The following OTUD7A variants were observed in gnomAD, a reference collection of about 807,000 sequenced individuals.
OTUD7A encodes OTU domain-containing protein 7A.
A neutral mutation model predicts 65.7 loss-of-function variants in OTUD7A; 12 were observed. That is an observed-to-expected ratio of 0.18 (90% CI 0.12 to 0.30). OTUD7A has a LOEUF of 0.30. Ranked by LOEUF, OTUD7A falls within the 10% of genes least tolerant of loss-of-function variation. OTUD7A has a pLI of 1.00. For missense variants in OTUD7A, 1,148 were observed against 1,304.8 expected (o/e 0.88, Z 1.85); for synonymous variants, 641 against 586.3 (o/e 1.09, Z -1.35).
chr15:31,646,798 C>T (rs6416461), intron 3 of OTUD7A, among the ~76,000 whole-genome samples: 44,623 of 151,974 alleles, frequency 0.29, 7,891 homozygotes, highest in African/African-American at 0.49. Context: ...GCACAGACTT[C>T]TGAGTAAAAC....
intron 1 of OTUD7A, among the ~76,000 whole-genome samples, chr15:31,802,227 G>T (rs1311921344): frequency 6.6e-6 from 1 of 151,856 alleles, no homozygotes; most frequent in Non-Finnish European, 1.5e-5. Context: ...CAGGCTGTGG[G>T]GCAAGGAGAG....
intron 5 of OTUD7A, among the ~76,000 whole-genome samples, chr15:31,550,104 A>T (rs1024072102): frequency 7.5e-4 from 20 of 26,536 alleles, no homozygotes; most frequent in South Asian, 1.9e-3. Flanking sequence ...TGTCTCCAGG[A>T]AAAAAAAAAA....
At chr15:31,780,177 G>A (rs1384752804) in intron 1 of OTUD7A, among the ~76,000 whole-genome samples, 1 of 152,074 alleles carries the variant, frequency 6.6e-6, no homozygotes, top group African/African-American at 2.4e-5. Context: ...AAATAAAGCA[G>A]CCATGCATCA....
chr15:31,753,709 TATATATATATATTATA>T (rs1894719069), intron 1 of OTUD7A, among the ~76,000 whole-genome samples: 1 of 112,526 alleles, frequency 8.9e-6, no homozygotes, highest in Non-Finnish European at 1.7e-5. Flanking sequence ...ATATTATATA[TATATATATATATTATA>T]TATATATATA....
chr15:31,561,477 C>G (rs1187302566), intron 4 of OTUD7A, among the ~76,000 whole-genome samples: 3 of 152,136 alleles, frequency 2.0e-5, no homozygotes, highest in Admixed American at 6.5e-5. Flanking sequence ...AATCTCAAGG[C>G]TGCTCTCAAC....
chr15:31,512,396 A>G (rs995773825), intron 8 of OTUD7A, among the ~76,000 whole-genome samples: 1 of 152,218 alleles, frequency 6.6e-6, no homozygotes, highest in Non-Finnish European at 1.5e-5. Context: ...AAATTGTTTG[A>G]AATGTTTGTT....
intron 1 of OTUD7A, among the ~76,000 whole-genome samples, chr15:31,826,929 C>T (rs921666245): frequency 4.6e-5 from 7 of 152,166 alleles, no homozygotes; most frequent in African/African-American, 1.7e-4. Context: ...TCTGAGACAA[C>T]CTCAGCCTGG....
intron 3 of OTUD7A, among the ~76,000 whole-genome samples, chr15:31,587,206 A>C (rs1889569244): frequency 6.6e-6 from 1 of 152,110 alleles, no homozygotes; most frequent in East Asian, 1.9e-4. Flanking sequence ...CATAATCAAA[A>C]TCTCTACCAT....
At chr15:31,545,686 A>C (rs1168361904) in intron 5 of OTUD7A, among the ~76,000 whole-genome samples, 3 of 152,170 alleles carry the variant, frequency 2.0e-5, no homozygotes, top group Non-Finnish European at 4.4e-5. Context: ...AAAAATTAAA[A>C]CCACTGTGTG....
chr15:31,836,039 T>C (rs1156923537), intron 1 of OTUD7A, among the ~76,000 whole-genome samples: 2 of 152,014 alleles, frequency 1.3e-5, no homozygotes, highest in African/African-American at 4.8e-5. Context: ...AGATTTCAGA[T>C]CTTTGGATTA....
Position 31,500,494 on chromosome 15 carries a change from C to T in OTUD7A, c.1171+1196G>A, listed in dbSNP as rs138591173. 2.6e-3 allele frequency among the ~76,000 whole-genome samples: 400 copies of T among 152,360 alleles called. 3 individuals carry two copies. Among genetic ancestry groups the T allele is most frequent in the African/African-American group, 9.0e-3 (376 of 41,578 alleles). Reference sequence around the variant, plus strand: ...TCTCAAATGCCCTGTGCATTTCTCACCTTCAGCTTCTGCTCCACAGCCCCA... The same window carrying T: ...TCTCAAATGCCCTGTGCATTTCTCATCTTCAGCTTCTGCTCCACAGCCCCA... On this transcript the variant is annotated intron_variant, in intron 10 of 12. Coordinates refer to ENST00000307050, the MANE Select transcript of OTUD7A (RefSeq NM_001382637.1).
chr15:31,718,061 T>C (rs896597796), intron 1 of OTUD7A, among the ~76,000 whole-genome samples: 2 of 152,168 alleles, frequency 1.3e-5, no homozygotes, highest in Non-Finnish European at 2.9e-5. Context: ...GACTCTGTTG[T>C]GTATTGCTGG....
chr15:31,689,416 G>A (rs963588594), intron 1 of OTUD7A: 4 of 149,218 alleles, frequency 2.7e-5, no homozygotes, highest in South Asian at 4.4e-4. Context: ...CCAACACTGC[G>A]CCGTCCCTGC....
At chr15:31,850,840 T>C (rs983765510) in intron 1 of OTUD7A, among the ~76,000 whole-genome samples, 4 of 152,128 alleles carry the variant, frequency 2.6e-5, no homozygotes, top group Admixed American at 2.0e-4. Flanking sequence ...TACAACCTCA[T>C]TGGCCAGGCA....
intron 5 of OTUD7A, among the ~76,000 whole-genome samples, chr15:31,535,488 C>T (rs1887765171): frequency 6.6e-6 from 1 of 152,060 alleles, no homozygotes; most frequent in Non-Finnish European, 1.5e-5. Flanking sequence ...GGACTATTAC[C>T]TACCTTTACC....
intron 3 of OTUD7A, among the ~76,000 whole-genome samples, chr15:31,623,070 A>C (rs1215525634): frequency 4.6e-5 from 7 of 152,246 alleles, no homozygotes; most frequent in African/African-American, 7.2e-5. Flanking sequence ...CAGAGGCTGC[A>C]GAACAGCGAA....
intron 10 of OTUD7A, among the ~76,000 whole-genome samples, chr15:31,490,515 G>A (rs1458441076): frequency 1.3e-5 from 2 of 152,312 alleles, no homozygotes; most frequent in East Asian, 1.9e-4. Context: ...CCAGACAGCT[G>A]AAGTCACAGG....
chr15:31,769,297 TA>T (rs1414304471), intron 1 of OTUD7A, among the ~76,000 whole-genome samples: 2 of 152,138 alleles, frequency 1.3e-5, no homozygotes, highest in Admixed American at 1.3e-4. Flanking sequence ...TATGTAATGA[TA>T]AAAGGTTCAA....
intron 1 of OTUD7A, among the ~76,000 whole-genome samples, chr15:31,769,345 C>T (rs1024855170): frequency 3.3e-5 from 5 of 152,192 alleles, no homozygotes; most frequent in Non-Finnish European, 5.9e-5. Context: ...AATGTGTATG[C>T]ACCTAACAAC....
Sources: allele counts gnomAD v4.1 joint callset (sites outside exome capture counted in the v4.1 genomes callset), GRCh38; gene constraint gnomAD v4.1.1; transcripts MANE v1.5; gene names NCBI Gene and HGNC (gene_info 2026-07-23, HGNC 2026-07-21).